HTRA3: variants seen among roughly 807,000 people sequenced by gnomAD.
HTRA3 encodes the protein serine protease HTRA3.
In HTRA3, 41 loss-of-function variants were observed where a neutral mutation model predicts 43.2. That is an observed-to-expected ratio of 0.95 (90% CI 0.74 to 1.23). The LOEUF (loss-of-function observed/expected upper bound fraction) is 1.23. Among genes scored for constraint, HTRA3 ranks in the 50% most tolerant of loss-of-function variants. The pLI, the probability that HTRA3 is intolerant of heterozygous loss-of-function variation, is 0.00. For missense variants in HTRA3, 628 were observed against 647.1 expected (o/e 0.97, Z 0.32); for synonymous variants, 295 against 287.9 (o/e 1.02, Z -0.25).
chr4:8,298,233 A>G (rs1245233145), intron 6 of HTRA3, among the ~76,000 whole-genome samples: 1 of 152,220 alleles, frequency 6.6e-6, no homozygotes, highest in African/African-American at 2.4e-5. Flanking sequence ...TCCAGGGCCC[A>G]CTGGACCCAT....
In HTRA3 at chr4:8,270,222, G is replaced by T. The variant is rs780881963; in HGVS notation, c.254G>T (p.Trp85Leu). Reference sequence around the variant, plus strand: ...GTGCGCGGCCTATGCCGCTGCCGCTGGTCGCACGCCGTGTGTGGCACCGAC... The same window carrying T: ...GTGCGCGGCCTATGCCGCTGCCGCTTGTCGCACGCCGTGTGTGGCACCGAC... ...ECVRGLCRCR[W>L]SHAVCGTDGH... The change falls in exon 1 of 9, where the codon TGG becomes TTG. Residue 85 changes from tryptophan (W) to leucine (L), a missense_variant. Coordinates refer to ENST00000307358, the MANE Select transcript of HTRA3 (RefSeq NM_053044.5). 2.0e-6 allele frequency: 3 copies of T among 1,536,394 alleles called. No individual in the cohort carries two copies. Among genetic ancestry groups the T allele is most frequent in the Non-Finnish European group, 2.6e-6 (3 of 1,152,816 alleles).
intron 3 of HTRA3, among the ~76,000 whole-genome samples, chr4:8,290,243 G>A (rs1219491373): frequency 2.0e-5 from 3 of 152,240 alleles, no homozygotes; most frequent in South Asian, 2.1e-4. Flanking sequence ...CCTGTGCGGG[G>A]CTCCACGTCG....
At chr4:8,274,712 C>A (rs1712448404) in intron 1 of HTRA3, among the ~76,000 whole-genome samples, 1 of 152,208 alleles carries the variant, frequency 6.6e-6, no homozygotes, top group Non-Finnish European at 1.5e-5. Context: ...TTTCTGAGGG[C>A]CTGTGTGGAG....
chr4:8,280,216 T>TGGCGCTTCTCCTCAGGCGAGGCACATGG (rs1560135217), intron 1 of HTRA3, among the ~76,000 whole-genome samples: 2 of 152,118 alleles, frequency 1.3e-5, no homozygotes, highest in Non-Finnish European at 2.9e-5. Flanking sequence ...GCCCGTGCCC[T>TGGCGCTTCTCCTCAGGCGAGGCACATGG]GGCGCTTCTC....
At position 8,298,884 on chromosome 4, in the gene HTRA3, C is replaced by T. The variant is rs952599713; in HGVS notation, c.1052-3579C>T. ...CACTGGCCCGATTACTGTGGCCTCA[C>T]GGTAGGTCTAAAAGGCAGGCAGTGT... On this transcript the variant is annotated intron_variant, in intron 6 of 8. Transcript: ENST00000307358. Among the ~76,000 whole-genome samples the T allele has an allele frequency of 2.6e-5, 4 of 152,194 alleles. No individual in the cohort carries two copies. In the South Asian group the frequency reaches 6.2e-4, roughly 24 times the overall value.
Position 8,269,897 on chromosome 4 carries a change from G to T in HTRA3, c.-72G>T. 1.3e-6 allele frequency: 1 copy of T among 756,774 alleles called. No individual in the cohort carries two copies. The highest frequency in any genetic ancestry group is 5.7e-5 in the South Asian group (1 of 17,440). The allele number at this position is 756,774 out of a possible 1,614,324, so 46.9% of individuals were successfully genotyped here. ...CCGTAGGCGCCCGGCGCCCGGCCCC[G>T]CAGCGGCCTCGTTGTCCCCGCCGGC... On this transcript the variant is annotated 5_prime_UTR_variant, in exon 1 of 9. Transcript: ENST00000307358.
rs1578796405 is a variant in HTRA3, at chr4:8,286,453, T to C, written c.486-108T>C. On this transcript the variant is annotated intron_variant, in intron 2 of 8. Transcript: ENST00000307358. The surrounding 1 kb of genome is among the most constrained non-coding windows in gnomAD (Gnocchi z 4.9). ...TGAGGGACTCCAGACCTGTGTTCTG[T>C]CAGCCACACACTGGCTCTGCTCCTC... is the stretch of plus-strand genomic sequence containing the variant. 1.1e-6 allele frequency: 1 copy of C among 884,480 alleles called. No homozygotes were observed. The highest frequency in any genetic ancestry group is 1.8e-6 in the Non-Finnish European group (1 of 541,624). 54.8% of individuals were successfully genotyped at this position (884,480 alleles called of 1,614,324 possible). A position where few individuals can be genotyped will look rare whatever the true frequency, so the allele number is the denominator to read the frequency against.
intron 6 of HTRA3, among the ~76,000 whole-genome samples, chr4:8,301,453 C>T (rs1423403119): frequency 1.3e-5 from 2 of 151,678 alleles, no homozygotes; most frequent in Non-Finnish European, 2.9e-5. Context: ...TATTGAGTCA[C>T]ACTCTCAGCT....
chr4:8,285,509 T>C (rs1278409782), intron 2 of HTRA3, among the ~76,000 whole-genome samples: 1 of 152,224 alleles, frequency 6.6e-6, no homozygotes, highest in Non-Finnish European at 1.5e-5. Flanking sequence ...CATCCCTCCA[T>C]ACTTTGTCCC....
At chr4:8,292,253 T>G (rs1713276406) in intron 4 of HTRA3, 68 bp from the exon 5 acceptor site, 1 of 1,438,110 alleles carries the variant, frequency 7.0e-7, no homozygotes, top group Admixed American at 1.8e-5. Flanking sequence ...GAGGCAGATC[T>G]GGAGAAGGGG....
At chr4:8,301,728 AT>A (rs1476756135) in intron 6 of HTRA3, among the ~76,000 whole-genome samples, 1 of 152,154 alleles carries the variant, frequency 6.6e-6, no homozygotes, top group East Asian at 1.9e-4. Context: ...TTATACATTC[AT>A]TTTTATTCAG....
intron 4 of HTRA3, among the ~76,000 whole-genome samples, chr4:8,291,874 CATT>C (rs1288760753): frequency 6.6e-6 from 1 of 152,198 alleles, no homozygotes; most frequent in Non-Finnish European, 1.5e-5. Flanking sequence ...CATTGCTTTT[CATT>C]ATTATTGTGA....
At position 8,286,932 on chromosome 4, in the gene HTRA3, G is replaced by C; in HGVS notation, c.708+149G>C. On this transcript the variant is annotated intron_variant, in intron 3 of 8. Transcript: ENST00000307358. This position sits in a 1 kb window ranked among gnomAD's most constrained non-coding sequence, Gnocchi z 4.9. ...CCAGGGAGGACTGGCAGCTGGCCCA[G>C]GGTCACGGCTTGGAAAAGACCTAGA... 1 of 643,606 alleles carries C rather than the reference G, an allele frequency of 1.6e-6. No individual in the cohort carries two copies. Among genetic ancestry groups the C allele is most frequent in the East Asian group, 2.7e-5 (1 of 36,610 alleles). 39.9% of individuals were successfully genotyped at this position (643,606 alleles called of 1,614,324 possible).
At chr4:8,272,869 C>T (rs1404870747) in intron 1 of HTRA3, among the ~76,000 whole-genome samples, 1 of 152,236 alleles carries the variant, frequency 6.6e-6, no homozygotes, top group Non-Finnish European at 1.5e-5. Flanking sequence ...GGCTGCTGGC[C>T]ATCTCCAGGG....
At chr4:8,278,668 G>A (rs1434858532) in intron 1 of HTRA3, among the ~76,000 whole-genome samples, 56 of 152,170 alleles carry the variant, frequency 3.7e-4, no homozygotes, top group African/African-American at 9.6e-5. Context: ...ACCGAGGTCC[G>A]CTTAAAGGGA....
Position 8,270,307 on chromosome 4 carries a change from C to G in HTRA3, c.339C>G (p.Leu113=). 2 of 1,470,262 alleles carry G rather than the reference C, an allele frequency of 1.4e-6. No homozygotes were observed. The highest frequency in any genetic ancestry group is 2.6e-5 in the South Asian group (2 of 76,930). 91.1% of individuals were successfully genotyped at this position (1,470,262 alleles called of 1,614,324 possible). The change falls in exon 1 of 9, where the codon CTC becomes CTG. Residue 113 remains leucine, a synonymous_variant. Transcript: ENST00000307358. ...LQAASRRALQ[L]SGTPVRQLQK... is the part of the protein sequence containing the mutation. ...CGGCCAGCCGCCGCGCGCTGCAGCT[C>G]TCCGGGACGCCCGTGCGCCAGCTGC...
intron 6 of HTRA3, among the ~76,000 whole-genome samples, chr4:8,301,674 C>T (rs1161874337): frequency 6.6e-6 from 1 of 152,088 alleles, no homozygotes; most frequent in African/African-American, 2.4e-5. Flanking sequence ...CACTTTAGTA[C>T]TATTAATTTC....
In HTRA3 at chr4:8,304,186, T is replaced by C. The variant is rs1346416537; in HGVS notation, c.1103T>C (p.Leu368Pro). Residue 368 changes from leucine (L) to proline (P), a missense_variant and splice_region_variant, in exon 8 of 9, where the codon CTG (leucine) becomes CCG (proline). Coordinates refer to ENST00000307358, the MANE Select transcript of HTRA3 (RefSeq NM_053044.5). ...CCTTGACGGCAGACTCTTTCCAGCC[T>C]GGTGGATGAGCTGAAGGCCAGCAAC... ...GIRMRTITPS[L>P]VDELKASNPD... 1 of 1,613,950 alleles carries C rather than the reference T, an allele frequency of 6.2e-7. No individual in the cohort carries two copies. Among genetic ancestry groups the C allele is most frequent in the Non-Finnish European group, 8.5e-7 (1 of 1,179,868 alleles).
In HTRA3 at chr4:8,282,306, G is replaced by A. The variant is rs1486558571; in HGVS notation, c.386-131G>A. On this transcript the variant is annotated intron_variant, in intron 1 of 8. Coordinates refer to ENST00000307358, the MANE Select transcript of HTRA3 (RefSeq NM_053044.5). ...GGGGTCCCCAACGGGCTCAGTGTGGGCTGAGGCTGGCTCTGAACTGGGACA... is the reference window on the plus strand; with the variant it reads ...GGGGTCCCCAACGGGCTCAGTGTGGACTGAGGCTGGCTCTGAACTGGGACA... 9.8e-6 allele frequency: 7 copies of A among 714,662 alleles called. No individual in the cohort carries two copies. The East Asian group carries it at 1.6e-4, about 17-fold the overall frequency. 44.3% of individuals were successfully genotyped at this position (714,662 alleles called of 1,614,324 possible). A position where few individuals can be genotyped will look rare whatever the true frequency, so the allele number is the denominator to read the frequency against.
Sources: allele counts gnomAD v4.1 joint callset (sites outside exome capture counted in the v4.1 genomes callset), GRCh38; gene constraint gnomAD v4.1.1; non-coding constraint Gnocchi (gnomAD v3.1); transcripts MANE v1.5; gene names NCBI Gene and HGNC (gene_info 2026-07-23, HGNC 2026-07-21).